Variants in AKAP6 observed in about 807,000 individuals in gnomAD.
AKAP6 encodes A-kinase anchoring protein 6.
Under a neutral mutation model 188.5 loss-of-function variants are expected in AKAP6, and 58 were observed. That is an observed-to-expected ratio of 0.31 (90% CI 0.25 to 0.38). The LOEUF (loss-of-function observed/expected upper bound fraction) is 0.38, where lower values mean the gene tolerates loss of function less well. Among genes scored for constraint, AKAP6 ranks in the 10% least tolerant of loss-of-function variants. The pLI is 1.00. For synonymous variants in AKAP6, 989 were observed against 998.6 expected (o/e 0.99, Z 0.18); for missense variants, 2,710 against 2,740.0 (o/e 0.99, Z 0.24).
In AKAP6 at chr14:32,540,164, C is replaced by CTATA. The variant is rs1212391189; in HGVS notation, c.576+4360_576+4361insATAT. 5.5e-3 allele frequency among the ~76,000 whole-genome samples: 536 copies of CTATA among 97,244 alleles called. 1 individual carries two copies. Among genetic ancestry groups the CTATA allele is most frequent in the Non-Finnish European group, 7.8e-3 (412 of 52,960 alleles). 63.8% of individuals were successfully genotyped at this position (97,244 alleles called of 152,430 possible). A position where few individuals can be genotyped will look rare whatever the true frequency, so the allele number is the denominator to read the frequency against. ...TCTCTCTCTCTCTCTCTCTCTCTCT[C>CTATA]TCTCTATATATATATATATATATAT... On this transcript the variant is annotated intron_variant, in intron 3 of 13. Coordinates refer to ENST00000280979, the MANE Select transcript of AKAP6 (RefSeq NM_004274.5).
chr14:32,466,944 T>C (rs1254112624), intron 2 of AKAP6, among the ~76,000 whole-genome samples: 3 of 149,518 alleles, frequency 2.0e-5, no homozygotes, highest in African/African-American at 7.4e-5. Flanking sequence ...TTTGATAATA[T>C]AAAGGTATTA....
At chr14:32,516,379 A>G (rs1881522514) in intron 2 of AKAP6, among the ~76,000 whole-genome samples, 2 of 152,164 alleles carry the variant, frequency 1.3e-5, no homozygotes, top group African/African-American at 4.8e-5. Flanking sequence ...AAACTGTATA[A>G]TATGAACTGT....
intron 12 of AKAP6, among the ~76,000 whole-genome samples, chr14:32,796,801 G>C (rs1415986896): frequency 6.6e-6 from 1 of 152,116 alleles, no homozygotes; most frequent in African/African-American, 2.4e-5. Context: ...TCACACATGG[G>C]ATCTAATTAA....
chr14:32,430,450 G>A (rs948817226), intron 1 of AKAP6, among the ~76,000 whole-genome samples: 1 of 152,198 alleles, frequency 6.6e-6, no homozygotes, highest in Non-Finnish European at 1.5e-5. Flanking sequence ...ACGGTAGGAT[G>A]TGTATTCCCA....
Position 32,822,981 on chromosome 14 carries a change from C to T in AKAP6, c.5168C>T (p.Thr1723Ile), listed in dbSNP as rs1232738610. ...ESNASFRKRL[T>I]RSVADESDVN... Reference sequence around the variant, plus strand: ...AATGCATCGTTCAGGAAGCGTCTGACTCGTTCAGTGGCTGATGAAAGCGAT... The same window carrying T: ...AATGCATCGTTCAGGAAGCGTCTGATTCGTTCAGTGGCTGATGAAAGCGAT... The change falls in exon 13 of 14, where the codon ACT becomes ATT. Residue 1723 changes from threonine (T) to isoleucine (I), a missense_variant. Physicochemically the swap from Thr to Ile is moderately conservative, Grantham distance 89 (BLOSUM62 -1). This residue lies in a region of AKAP6 where 2,473 missense variants were observed against 2,426.1 expected (regional missense o/e 1.02). Transcript: ENST00000280979. The T allele has an allele frequency of 6.2e-7, 1 of 1,613,862 alleles. No homozygotes were observed. The highest frequency in any genetic ancestry group is 1.7e-5 in the Admixed American group (1 of 59,956).
intron 4 of AKAP6, among the ~76,000 whole-genome samples, chr14:32,560,108 ATAAACT>A (rs1883885238): frequency 6.6e-6 from 1 of 152,168 alleles, no homozygotes; most frequent in Non-Finnish European, 1.5e-5. Context: ...CAAGGCATAC[ATAAACT>A]TAAGATACAC....
chr14:32,678,403 C>G lies in AKAP6; in HGVS notation c.2823C>G (p.Ser941Arg). The part of the protein sequence containing the change: ...KLYSEQYTSS[S>R]KRKEEFADMS... ...ACAGCGAGCAGTATACCAGCAGCAG[C>G]AAGCGAAAGGAAGAGTTTGCTGATA... Residue 941 changes from serine (S) to arginine (R), a missense_variant, in exon 8 of 14, where the codon AGC becomes AGG. By Grantham distance (110) the Ser-to-Arg change is moderately radical. Around this residue, in one of 2 missense-constraint regions of AKAP6, gnomAD observed 2,473 missense variants for 2,426.1 expected, o/e 1.02. Transcript: ENST00000280979. The G allele has an allele frequency of 6.2e-7, 1 of 1,613,926 alleles. No individual in the cohort carries two copies. The highest frequency in any genetic ancestry group is 8.5e-7 in the Non-Finnish European group (1 of 1,179,888).
intron 2 of AKAP6, chr14:32,494,313 A>G (rs1309776873): frequency 6.6e-6 from 1 of 152,140 alleles, no homozygotes; most frequent in Admixed American, 6.6e-5. Context: ...AGATTTGTGA[A>G]TTTATCCTGT....
At chr14:32,460,820 C>T (rs1487222383) in intron 2 of AKAP6, among the ~76,000 whole-genome samples, 3 of 152,226 alleles carry the variant, frequency 2.0e-5, no homozygotes, top group African/African-American at 4.8e-5. Flanking sequence ...GAACCACTGG[C>T]TTGAAATTCT....
At chr14:32,357,093 G>A (rs1483996527) in intron 1 of AKAP6, among the ~76,000 whole-genome samples, 1 of 152,056 alleles carries the variant, frequency 6.6e-6, no homozygotes, top group African/African-American at 2.4e-5. Flanking sequence ...TAGCATAATA[G>A]GAACTCTTAC....
rs183154599 is a variant in AKAP6 at position 32,680,465 on chromosome 14, A to T, written c.2879+2006A>T. 5.8e-4 allele frequency among the ~76,000 whole-genome samples: 88 copies of T among 152,294 alleles called. No individual in the cohort carries two copies. In the East Asian group the frequency reaches 0.013, roughly 23 times the overall value. On this transcript the variant is annotated intron_variant, in intron 8 of 13. Coordinates refer to ENST00000280979, the MANE Select transcript of AKAP6 (RefSeq NM_004274.5). Reference sequence around the variant, plus strand: ...CAATGATACATAAACTTCATTAATCATTCTTTTTGTTACATAGAATGAACA... The same window carrying T: ...CAATGATACATAAACTTCATTAATCTTTCTTTTTGTTACATAGAATGAACA...
intron 5 of AKAP6, among the ~76,000 whole-genome samples, chr14:32,594,619 A>G (rs758823758): frequency 3.3e-5 from 5 of 152,192 alleles, no homozygotes; most frequent in Admixed American, 2.0e-4. Context: ...CTTCTCCCCC[A>G]GGAGCCCCTC....
At position 32,735,821 on chromosome 14, in the gene AKAP6, C is replaced by G; in HGVS notation, c.3311C>G (p.Ser1104Cys). ...GATACAGAGCTTTTCATCTTCAATT[C>G]CTGTCTGAGACAAGAAAAGGAAGGA... ...LRDTELFIFNSCLRQEKEGTM... is the reference protein window; with the variant it reads ...LRDTELFIFNCCLRQEKEGTM... Residue 1104 changes from serine (S) to cysteine (C), a missense_variant, in exon 11 of 14, where the codon TCC becomes TGC. Around this residue, in one of 2 missense-constraint regions of AKAP6, gnomAD observed 2,473 missense variants for 2,426.1 expected, o/e 1.02. Transcript: ENST00000280979. 6.2e-7 allele frequency: 1 copy of G among 1,613,250 alleles called. No homozygotes were observed. The highest frequency in any genetic ancestry group is 8.5e-7 in the Non-Finnish European group (1 of 1,179,632).
chr14:32,747,528 G>A (rs529529199), intron 11 of AKAP6, among the ~76,000 whole-genome samples: 12 of 152,094 alleles, frequency 7.9e-5, no homozygotes, highest in Non-Finnish European at 1.6e-4. Flanking sequence ...AGAAAACCAC[G>A]TATATTCATC....
At chr14:32,600,927 A>C in intron 7 of AKAP6, 135 bp downstream of exon 7, 1 of 693,624 alleles carries the variant, frequency 1.4e-6, no homozygotes, top group Non-Finnish European at 2.1e-6. Flanking sequence ...CTATATATAT[A>C]TAAACAAAAT....
At chr14:32,637,622 G>C (rs979977353) in intron 7 of AKAP6, among the ~76,000 whole-genome samples, 3 of 152,058 alleles carry the variant, frequency 2.0e-5, no homozygotes, top group Non-Finnish European at 2.9e-5. Context: ...TGAGATCTAA[G>C]TTGAAAAAAC....
chr14:32,810,254 G>GTT (rs11298100), intron 12 of AKAP6, among the ~76,000 whole-genome samples: 6 of 147,878 alleles, frequency 4.1e-5, no homozygotes, highest in Middle Eastern at 3.6e-3. Context: ...CCTAATGCTC[G>GTT]TTTTTTTTTT....
At chr14:32,573,748 G>T (rs150418582) in intron 4 of AKAP6, among the ~76,000 whole-genome samples, 12 of 151,822 alleles carry the variant, frequency 7.9e-5, no homozygotes, top group Non-Finnish European at 8.8e-5. Context: ...TTCCATTTTC[G>T]TATGTCATCC....
At position 32,545,190 on chromosome 14, in the gene AKAP6, A is replaced by G; in HGVS notation, c.577-40A>G. The G allele has an allele frequency of 1.9e-6, 3 of 1,556,900 alleles. No homozygotes were observed. In the South Asian group the frequency reaches 3.5e-5, roughly 18 times the overall value. On this transcript the variant is annotated intron_variant, in intron 3 of 13. Coordinates refer to ENST00000280979, the MANE Select transcript of AKAP6 (RefSeq NM_004274.5). Reference sequence around the variant, plus strand: ...TACATAGCAGCTGATGTTGTAATTGATGTTGCATTTACTGAAACCATTGCC... The same window carrying G: ...TACATAGCAGCTGATGTTGTAATTGGTGTTGCATTTACTGAAACCATTGCC...
Sources: gnomAD v4.1 joint callset for allele counts (sites outside exome capture counted in the v4.1 genomes callset) on GRCh38, gnomAD v4.1.1 for gene constraint, gnomAD v4.1.1 regional missense constraint, MANE v1.5 for transcripts, NCBI Gene and HGNC (gene_info 2026-07-23, HGNC 2026-07-21) for gene names.